Variants in PRRC2B observed in about 807,000 individuals in gnomAD.
PRRC2B encodes the protein protein PRRC2B.
In PRRC2B, 68 loss-of-function variants were observed where a neutral mutation model predicts 242.3. That is an observed-to-expected ratio of 0.28 (90% CI 0.23 to 0.34). PRRC2B has a LOEUF of 0.34. PRRC2B is among the 10% of genes least tolerant of loss of function. PRRC2B has a pLI of 1.00. For missense variants in PRRC2B, 2,835 were observed against 2,954.8 expected, an observed-to-expected ratio of 0.96 and a Z score of 0.94; for synonymous variants, 1,228 against 1,173.6, an observed-to-expected ratio of 1.05 and a Z score of -0.95.
At position 131,482,884 on chromosome 9, in the gene PRRC2B, A is replaced by G. The variant is rs753848234; in HGVS notation, c.5350A>G (p.Ile1784Val). Residue 1784 changes from isoleucine (I) to valine (V), a missense_variant, in exon 22 of 32, where the codon ATT becomes GTT. Physicochemically the swap from Ile to Val is conservative, Grantham distance 29. Coordinates refer to ENST00000683519, the MANE Select transcript of PRRC2B (RefSeq NM_013318.4). The surrounding 1 kb of genome is among the most constrained non-coding windows in gnomAD (Gnocchi z 5.2). ...HVDSVLPVPP[I>V]EFGVSPKDSD... ...GGACTCCGTGCTGCCTGTGCCACCC[A>G]TTGAATTTGGAGTCAGTCCAAAAGT... is the stretch of plus-strand genomic sequence containing the variant. The G allele has an allele frequency of 2.5e-6, 4 of 1,607,728 alleles. No individual in the cohort carries two copies. The highest frequency in any genetic ancestry group is 3.4e-5 in the Admixed American group (2 of 58,962).
At chr9:131,493,049 G>A (rs1944240015) in intron 30 of PRRC2B, among the ~76,000 whole-genome samples, 1 of 152,064 alleles carries the variant, frequency 6.6e-6, no homozygotes, top group Admixed American at 6.5e-5. Context: ...GTATCCCCAC[G>A]ACTACACAGG....
In PRRC2B at chr9:131,380,423, C is replaced by A. The variant is rs1015469277; in HGVS notation, c.-56+6692C>A. On this transcript the variant is annotated intron_variant, in intron 1 of 1. Coordinates refer to the PRRC2B transcript ENST00000682525. ...TGAAACCTTATCTCTACTAAAAATA[C>A]AACAAATTAGCCAGGCGTGGTGGTG... 1.2e-4 allele frequency among the ~76,000 whole-genome samples: 18 copies of A among 151,760 alleles called. 1 individual carries two copies. Among genetic ancestry groups the A allele is most frequent in the Admixed American group, 3.3e-4 (5 of 15,174 alleles).
chr9:131,431,365 C>T (rs761331910), intron 2 of PRRC2B, among the ~76,000 whole-genome samples: 3 of 151,352 alleles, frequency 2.0e-5, no homozygotes, highest in Non-Finnish European at 4.4e-5. Context: ...CTCCTGACCT[C>T]GTGATCGGCT....
chr9:131,432,191 A>G (rs1838199213), intron 2 of PRRC2B, among the ~76,000 whole-genome samples: 1 of 152,144 alleles, frequency 6.6e-6, no homozygotes. Flanking sequence ...GACTTCATGA[A>G]TGTCGAAGGG....
intron 11 of PRRC2B, among the ~76,000 whole-genome samples, chr9:131,462,745 G>A (rs531718772): frequency 7.0e-6 from 1 of 142,780 alleles, no homozygotes; most frequent in East Asian, 2.3e-4. Flanking sequence ...GGCTGAGGCA[G>A]GAGAATTGCT....
At chr9:131,492,627 G>A (rs1192657056) in intron 30 of PRRC2B, among the ~76,000 whole-genome samples, 5 of 152,222 alleles carry the variant, frequency 3.3e-5, no homozygotes, top group Non-Finnish European at 7.3e-5. Context: ...GGCAAGGGGA[G>A]GAGCGTGGCC....
chr9:131,429,985 C>T (rs1838079650), intron 1 of PRRC2B, 109 bp from the exon 2 acceptor site: 1 of 606,766 alleles, frequency 1.6e-6, no homozygotes, highest in Non-Finnish European at 2.9e-6. Context: ...TCAAGGAGAT[C>T]CATGATTCGT....
rs532915420 is a variant in PRRC2B, at chr9:131,434,631, G to A, written c.293+1837G>A. On this transcript the variant is annotated intron_variant, in intron 3 of 31. Transcript: ENST00000683519. ...GTAGCCTTCTGTTTGTAATAATCAC[G>A]AATGGTGAGTTGCCTGGGTCAGGTG... is the stretch of plus-strand genomic sequence containing the variant. Among the ~76,000 whole-genome samples, 52 of 152,352 alleles carry A rather than the reference G, an allele frequency of 3.4e-4. No homozygotes were observed. The South Asian group carries it at 0.01, about 30-fold the overall frequency.
intron 9 of PRRC2B, among the ~76,000 whole-genome samples, chr9:131,448,540 T>TC (rs1483019491): frequency 2.3e-4 from 2 of 8,728 alleles, no homozygotes; most frequent in African/African-American, 5.7e-4. Context: ...GGAGACACTG[T>TC]CTCAAAAAAA....
At chr9:131,420,493 C>CG (rs1554758635) in intron 1 of PRRC2B, among the ~76,000 whole-genome samples, 762 of 30,196 alleles carry the variant, frequency 0.025, 91 homozygotes, top group African/African-American at 0.074. Context: ...TTCTTTCTTT[C>CG]TTTTTTTTTT....
At chr9:131,381,698 C>T (rs767015282) in intron 1 of PRRC2B, among the ~76,000 whole-genome samples, 3 of 151,706 alleles carry the variant, frequency 2.0e-5, no homozygotes, top group African/African-American at 7.3e-5. Context: ...GGATTATAGG[C>T]GTGAGCCACC....
At chr9:131,380,388 G>A (rs1836740026) in intron 1 of PRRC2B, among the ~76,000 whole-genome samples, 1 of 151,914 alleles carries the variant, frequency 6.6e-6, no homozygotes, top group African/African-American at 2.4e-5. Flanking sequence ...GACCAGCCTG[G>A]GCAACATGGT....
chr9:131,425,785 G>GC (rs1191974978), intron 1 of PRRC2B, among the ~76,000 whole-genome samples: 1 of 151,740 alleles, frequency 6.6e-6, no homozygotes, highest in African/African-American at 2.4e-5. Flanking sequence ...ACCATGCCTG[G>GC]CCCCCGAGGA....
chr9:131,399,035 G>A (rs747239668), intron 1 of PRRC2B, among the ~76,000 whole-genome samples: 11 of 151,776 alleles, frequency 7.2e-5, no homozygotes, highest in Non-Finnish European at 1.6e-4. Flanking sequence ...AAGCACTTTG[G>A]CAGGCCGAGG....
At chr9:131,407,435 G>A (rs962795008) in intron 1 of PRRC2B, among the ~76,000 whole-genome samples, 8 of 149,136 alleles carry the variant, frequency 5.4e-5, no homozygotes, top group African/African-American at 1.7e-4. Flanking sequence ...TTTTCCCACC[G>A]TTCTGAAGTC....
intron 1 of PRRC2B, among the ~76,000 whole-genome samples, chr9:131,428,378 G>A (rs1838030948): frequency 6.6e-6 from 1 of 152,054 alleles, no homozygotes; most frequent in East Asian, 1.9e-4. Flanking sequence ...ATGCCACCAT[G>A]CCCTGCTAAT....
chr9:131,422,047 T>TTTTTTTTA (rs920556789), intron 1 of PRRC2B, among the ~76,000 whole-genome samples: 1 of 152,008 alleles, frequency 6.6e-6, no homozygotes, highest in Non-Finnish European at 1.5e-5. Context: ...TCTTTCTTTC[T>TTTTTTTTA]TTTTTTTATT....
chr9:131,451,854 A>G (rs906520263), intron 9 of PRRC2B, among the ~76,000 whole-genome samples: 3 of 151,996 alleles, frequency 2.0e-5, no homozygotes, highest in African/African-American at 7.3e-5. Flanking sequence ...TTATTTTGAT[A>G]ATAGATTGCA....
At chr9:131,439,525 C>G (rs1237117165) in intron 5 of PRRC2B, among the ~76,000 whole-genome samples, 2 of 152,196 alleles carry the variant, frequency 1.3e-5, no homozygotes, top group African/African-American at 4.8e-5. Flanking sequence ...GCTTCCTGCA[C>G]TACCCCTGCC....
Sources: gnomAD v4.1 joint callset for allele counts (sites outside exome capture counted in the v4.1 genomes callset) on GRCh38, gnomAD v4.1.1 for gene constraint, Gnocchi (gnomAD v3.1) non-coding constraint, MANE v1.5 for transcripts, NCBI Gene and HGNC (gene_info 2026-07-23, HGNC 2026-07-21) for gene names.